The following PINK1 variants were observed in gnomAD, a reference collection of about 807,000 sequenced individuals.
The protein encoded by PINK1 is serine/threonine-protein kinase PINK1, mitochondrial.
Under a neutral mutation model 56.0 loss-of-function variants are expected in PINK1, and 58 were observed. The observed-to-expected ratio is 1.04, with a 90% CI of 0.84 to 1.29. The LOEUF (loss-of-function observed/expected upper bound fraction) is 1.29, where lower values mean the gene tolerates loss of function less well. Among genes scored for constraint, PINK1 ranks in the 50% most tolerant of loss-of-function variants. The pLI, the probability that PINK1 is intolerant of heterozygous loss-of-function variation, is 0.00. For missense variants in PINK1, 745 were observed against 777.9 expected (o/e 0.96, Z 0.50); for synonymous variants, 354 against 339.3 (o/e 1.04, Z -0.48).
At chr1:20,644,755 T>TC in intron 4 of PINK1, 83 bp downstream of exon 4, 1 of 1,530,206 alleles carries the variant, frequency 6.5e-7, no homozygotes, top group East Asian at 2.3e-5. Context: ...TGCACCTTGA[T>TC]CAGGGGGTTT....
chr1:20,640,066 C>G lies in PINK1; in HGVS notation c.776+74C>G, dbSNP rs182925796. 18 of 1,205,832 alleles carry G rather than the reference C, an allele frequency of 1.5e-5. No individual in the cohort carries two copies. In the Admixed American group the frequency reaches 2.2e-4, roughly 15 times the overall value. The allele number at this position is 1,205,832 out of a possible 1,614,324, so 74.7% of individuals were successfully genotyped here. A position where few individuals can be genotyped will look rare whatever the true frequency, so the allele number is the denominator to read the frequency against. On this transcript the variant is annotated intron_variant, in intron 3 of 7. Transcript: ENST00000321556. ...CTTCATCCATCACTTATGTCCTCAG[C>G]ACCTGGTACAGTGTCTGATATGACA...
chr1:20,650,699 G>T lies in PINK1; in HGVS notation c.*8G>T. 6.2e-7 allele frequency: 1 copy of T among 1,612,598 alleles called. No individual in the cohort carries two copies. Reference sequence around the variant, plus strand: ...TGGAGGGCAGCCCTGTGATGTCCCTGCATGGAGCTGGTGAATTACTAAAAG... The same window carrying T: ...TGGAGGGCAGCCCTGTGATGTCCCTTCATGGAGCTGGTGAATTACTAAAAG... On this transcript the variant is annotated 3_prime_UTR_variant, in exon 8 of 8. Coordinates refer to ENST00000321556, the MANE Select transcript of PINK1 (RefSeq NM_032409.3).
intron 2 of PINK1, chr1:20,639,375 G>T (rs2053090729): frequency 4.7e-6 from 1 of 211,528 alleles, no homozygotes; most frequent in Non-Finnish European, 9.8e-6. Context: ...CATATGTCCT[G>T]AGAGCCCTTC....
intron 5 of PINK1, 48 bp downstream of exon 5, chr1:20,645,771 G>GCCCC: frequency 1.2e-6 from 2 of 1,612,114 alleles, no homozygotes; most frequent in East Asian, 4.5e-5. Flanking sequence ...ACTAGAGGGT[G>GCCCC]GGTCAGGAGC....
intron 6 of PINK1, 109 bp from the exon 7 acceptor site, chr1:20,648,886 G>A (rs1005427816): frequency 2.9e-6 from 4 of 1,363,508 alleles, no homozygotes; most frequent in Non-Finnish European, 1.0e-6. Flanking sequence ...CTCAAGCTCT[G>A]GGTTCCTTGG....
chr1:20,633,460 A>G lies in PINK1; in HGVS notation c.-89A>G, dbSNP rs1300364703. On this transcript the variant is annotated 5_prime_UTR_variant, in exon 1 of 8. Transcript: ENST00000321556. ...CCCACCAGCGCCTGCGCCTGCGCAG[A>G]GGCACCGCCCCAAGTTTGTTGTGAC... 3.7e-5 allele frequency: 38 copies of G among 1,031,042 alleles called. No homozygotes were observed. The highest frequency in any genetic ancestry group is 4.4e-4 in the Middle Eastern group (1 of 2,290). 63.9% of individuals were successfully genotyped at this position (1,031,042 alleles called of 1,614,324 possible). A position where few individuals can be genotyped will look rare whatever the true frequency, so the allele number is the denominator to read the frequency against.
Position 20,650,661 on chromosome 1 carries a change from C to T in PINK1, c.1716C>T (p.Leu572=), listed in dbSNP as rs778039430. The change falls in exon 8 of 8, where the codon CTC becomes CTT. Residue 572 remains leucine, a synonymous_variant. Coordinates refer to ENST00000321556, the MANE Select transcript of PINK1 (RefSeq NM_032409.3). ...LECETLCQAA[L]LLCSWRAAL ...GTGAAACGCTCTGCCAGGCAGCCCT[C>T]CTCCTCTGCTCATGGAGGGCAGCCC... The T allele has an allele frequency of 8.1e-6, 13 of 1,613,996 alleles. No individual in the cohort carries two copies. The highest frequency in any genetic ancestry group is 1.0e-5 in the Non-Finnish European group (12 of 1,180,036).
At chr1:20,644,379 TAGTA>T in intron 3 of PINK1, 107 bp from the exon 4 acceptor site, 1 of 1,225,844 alleles carries the variant, frequency 8.2e-7, no homozygotes, top group Non-Finnish European at 1.2e-6. Flanking sequence ...AAACATTTGA[TAGTA>T]AGTGAATAAT....
intron 1 of PINK1, among the ~76,000 whole-genome samples, chr1:20,634,587 A>G (rs2053036804): frequency 6.6e-6 from 1 of 152,138 alleles, no homozygotes; most frequent in Admixed American, 6.6e-5. Context: ...TCCAAATGGA[A>G]TCAATAGGAT....
At chr1:20,639,864 A>C in intron 2 of PINK1, 28 bp from the exon 3 acceptor site, 91 of 1,596,136 alleles carry the variant, frequency 5.7e-5, no homozygotes, top group Non-Finnish European at 7.2e-5. Flanking sequence ...CGGCCTGTGT[A>C]ACCCTGGGTT....
chr1:20,636,220 T>TATAC lies in PINK1; in HGVS notation c.388-1622_388-1621insATAC, dbSNP rs1411882496. Among the ~76,000 whole-genome samples the TATAC allele has an allele frequency of 2.6e-4, 31 of 121,236 alleles. No homozygotes were observed. In the South Asian group the frequency reaches 6.8e-3, roughly 27 times the overall value. 79.5% of individuals were successfully genotyped at this position (121,236 alleles called of 152,430 possible). A position where few individuals can be genotyped will look rare whatever the true frequency, so the allele number is the denominator to read the frequency against. ...AATATATATATAATGTGTATATATA[T>TATAC]GTATATGTGTATATATGTTGTGTAT... On this transcript the variant is annotated intron_variant, in intron 1 of 7. Transcript: ENST00000321556.
chr1:20,645,499 A>AC (rs1355369877), intron 4 of PINK1, 61 bp from the exon 5 acceptor site: 9 of 1,518,268 alleles, frequency 5.9e-6, no homozygotes, highest in East Asian at 4.6e-5. Flanking sequence ...AAAAAAAAAA[A>AC]AAAAACGTAT....
rs552385958 is a variant in PINK1 at position 20,644,178 on chromosome 1, G to A, written c.777-312G>A. Reference sequence around the variant, plus strand: ...GGACTTACAGTGGCAGACCTGGAATGCAAACCCAGGCAGTCTGATACCAGG... The same window carrying A: ...GGACTTACAGTGGCAGACCTGGAATACAAACCCAGGCAGTCTGATACCAGG... On this transcript the variant is annotated intron_variant, in intron 3 of 7. Transcript: ENST00000321556. 1.1e-4 allele frequency among the ~76,000 whole-genome samples: 17 copies of A among 152,238 alleles called. No homozygotes were observed. The South Asian group carries it at 2.5e-3, about 22-fold the overall frequency.
Position 20,651,103 on chromosome 1 carries a change from G to C in PINK1, c.*412G>C. 1 of 285,064 alleles carries C rather than the reference G, an allele frequency of 3.5e-6. No homozygotes were observed. 17.7% of individuals were successfully genotyped at this position (285,064 alleles called of 1,614,324 possible). On this transcript the variant is annotated 3_prime_UTR_variant, in exon 8 of 8. Coordinates refer to ENST00000321556, the MANE Select transcript of PINK1 (RefSeq NM_032409.3). ...GGCAGACATCAACATGGGTCAGCACGTTCAGTTACGGGAGTGGGAAATTAC... is the reference window on the plus strand; with the variant it reads ...GGCAGACATCAACATGGGTCAGCACCTTCAGTTACGGGAGTGGGAAATTAC...
intron 2 of PINK1, 85 bp from the exon 3 acceptor site, chr1:20,639,807 T>C: frequency 7.9e-7 from 1 of 1,263,272 alleles, no homozygotes; most frequent in Non-Finnish European, 1.1e-6. Context: ...GTAGCTGCCC[T>C]GCTCCAGGTT....
chr1:20,646,509 T>C (rs1389520435), intron 5 of PINK1, among the ~76,000 whole-genome samples: 4 of 152,014 alleles, frequency 2.6e-5, no homozygotes, highest in Non-Finnish European at 5.9e-5. Flanking sequence ...CTGGGCATGG[T>C]GGCGGGCGCC....
Position 20,650,442 on chromosome 1 carries a change from T to C in PINK1, c.1497T>C (p.Ser499=). ...TTCCCTTCCTGTTGCAGAGACCATC[T>C]GCCCGAGTAGCCGCAAATGTGCTTC... ...LLQREASKRP[S]ARVAANVLHL... The change falls in exon 8 of 8, where the codon TCT becomes TCC. Residue 499 remains serine, a synonymous_variant. Transcript: ENST00000321556. 6.2e-7 allele frequency: 1 copy of C among 1,613,992 alleles called. No individual in the cohort carries two copies. The highest frequency in any genetic ancestry group is 1.1e-5 in the South Asian group (1 of 91,070).
rs1361880248 is a variant in PINK1 at position 20,649,127 on chromosome 1, G to C, written c.1384G>C (p.Glu462Gln). The change falls in exon 7 of 8, where the codon GAA (glutamate) becomes CAA (glutamine). Residue 462 changes from glutamate to glutamine, a missense_variant. Transcript: ENST00000321556. ...CTACGGCCAGGGCAAGGCCCACCTT[G>C]AAAGCCGCAGCTACCAAGAGGCTCA... ...PFYGQGKAHLESRSYQEAQLP... is the reference protein window; with the variant it reads ...PFYGQGKAHLQSRSYQEAQLP... 2.5e-6 allele frequency: 4 copies of C among 1,614,138 alleles called. No individual in the cohort carries two copies. Among genetic ancestry groups the C allele is most frequent in the Non-Finnish European group, 3.4e-6 (4 of 1,180,056 alleles).
chr1:20,651,042 G>A lies in PINK1; in HGVS notation c.*351G>A. ...TAACACGAGGAACTCGTTTGAAGGG[G>A]GCAGCGTAGCATGTCTGATTTGCCA... On this transcript the variant is annotated 3_prime_UTR_variant, in exon 8 of 8. Transcript: ENST00000321556. 1 of 372,842 alleles carries A rather than the reference G, an allele frequency of 2.7e-6. No individual in the cohort carries two copies. Among genetic ancestry groups the A allele is most frequent in the South Asian group, 2.4e-5 (1 of 42,360 alleles). 23.1% of individuals were successfully genotyped at this position (372,842 alleles called of 1,614,324 possible).
Sources: allele counts gnomAD v4.1 joint callset (sites outside exome capture counted in the v4.1 genomes callset), GRCh38; gene constraint gnomAD v4.1.1; transcripts MANE v1.5; gene names NCBI Gene and HGNC (gene_info 2026-07-23, HGNC 2026-07-21).